CFAP47: variants seen among roughly 807,000 people sequenced by gnomAD.
The protein encoded by CFAP47 is cilia- and flagella-associated protein 47.
A neutral mutation model predicts 148.1 loss-of-function variants in CFAP47; 29 were observed. The observed-to-expected ratio is 0.20, with a 90% confidence interval of 0.15 to 0.27. CFAP47 has a LOEUF of 0.27. CFAP47 is among the 10% of genes least tolerant of loss of function. The probability of loss-of-function intolerance (pLI) is 1.00; values close to 1 mark genes in which losing one functional copy is unlikely to be tolerated. For missense variants in CFAP47, 1,872 were observed against 1,697.5 expected (o/e 1.10, Z -1.81); for synonymous variants, 664 against 577.3 (o/e 1.15, Z -2.15).
At chrX:36,154,951 A>G (rs986322400) in intron 37 of CFAP47, among the ~76,000 whole-genome samples, 1 of 111,147 alleles carries the variant, frequency 9.0e-6, no homozygotes, top group African/African-American at 3.3e-5. Context: ...TCAGGCTGCT[A>G]TAACAATAAA....
rs782236565 is a variant in CFAP47 at position 36,238,355 on chromosome X, C to G, written c.7332+1496C>G. 2.4e-4 allele frequency among the ~76,000 whole-genome samples: 27 copies of G among 112,612 alleles called. No homozygotes were observed. The Middle Eastern group carries it at 0.014, about 58-fold the overall frequency. ...ACCATGATAGTGACGCCTCCCCAGC[C>G]ACATGGAGCTGTGTGTCCATTAAAA... On this transcript the variant is annotated intron_variant, in intron 48 of 63. Transcript: ENST00000378653.
chrX:35,966,435 G>A (rs1045691820), intron 8 of CFAP47, 130 bp from the exon 9 acceptor site: 6 of 308,627 alleles, frequency 1.9e-5, no homozygotes. Context: ...GTATATTTCT[G>A]AAGTACTTTC....
intron 56 of CFAP47, among the ~76,000 whole-genome samples, chrX:36,314,590 T>C (rs942869326): frequency 8.9e-6 from 1 of 111,756 alleles, no homozygotes; most frequent in Non-Finnish European, 1.9e-5. Flanking sequence ...CTTATGGTTC[T>C]CAATGTACAG....
intron 7 of CFAP47, 48 bp from the exon 8 acceptor site, chrX:35,955,913 G>A: frequency 8.4e-7 from 1 of 1,191,627 alleles, no homozygotes; most frequent in Non-Finnish European, 1.1e-6. Context: ...ATATATTCTG[G>A]ATTCCCCAAA....
intron 18 of CFAP47, among the ~76,000 whole-genome samples, chrX:35,995,267 G>C (rs1320817201): frequency 9.0e-6 from 1 of 111,590 alleles, no homozygotes; most frequent in East Asian, 2.8e-4. Context: ...ATGGATGATA[G>C]TGGGAAAAAA....
chrX:36,010,921 G>T (rs1265007751), intron 21 of CFAP47, among the ~76,000 whole-genome samples: 1 of 111,186 alleles, frequency 9.0e-6, no homozygotes. Context: ...CTATGGCTGG[G>T]ATTTCTTCAT....
At chrX:36,133,807 AAAAG>A (rs1938992576) in intron 33 of CFAP47, among the ~76,000 whole-genome samples, 1 of 109,337 alleles carries the variant, frequency 9.1e-6, no homozygotes, top group African/African-American at 3.3e-5. Flanking sequence ...TTAAAAAAAA[AAAAG>A]AAAAGAAAAA....
intron 1 of CFAP47, among the ~76,000 whole-genome samples, chrX:35,923,275 T>C (rs1034968758): frequency 9.0e-6 from 1 of 111,566 alleles, no homozygotes; most frequent in African/African-American, 3.3e-5. Context: ...CCCTCATCTA[T>C]ATACTGAGAG....
At chrX:36,178,813 C>T (rs1052709894) in intron 39 of CFAP47, among the ~76,000 whole-genome samples, 2 of 111,581 alleles carry the variant, frequency 1.8e-5, no homozygotes, top group East Asian at 5.6e-4. Flanking sequence ...GAAACAAATG[C>T]GTCTCTATAA....
intron 9 of CFAP47, 138 bp downstream of exon 9, chrX:35,966,892 G>A: frequency 2.9e-6 from 1 of 339,089 alleles, no homozygotes; most frequent in Non-Finnish European, 5.0e-6. Flanking sequence ...CGACCGAGCT[G>A]CAACTATCAG....
chrX:36,313,854 C>A (rs1941413120), intron 56 of CFAP47, among the ~76,000 whole-genome samples: 2 of 111,178 alleles, frequency 1.8e-5, no homozygotes, highest in Non-Finnish European at 3.8e-5. Context: ...TTGTGCATAG[C>A]TTGATTTAAA....
chrX:36,029,226 T>A (rs1193820753), intron 22 of CFAP47, among the ~76,000 whole-genome samples: 1 of 111,322 alleles, frequency 9.0e-6, no homozygotes, highest in African/African-American at 3.2e-5. Context: ...ATATTAGTTG[T>A]AATGTATCTG....
rs140276774 is a variant in CFAP47, at chrX:36,019,335, C to T, written c.3556+4423C>T. ...GGTAAAGATTCAAGGCCAGGTTCCT[C>T]GGCCTAAAGCAAACACGATTTGCAG... On this transcript the variant is annotated intron_variant, in intron 22 of 63. Coordinates refer to ENST00000378653, the MANE Select transcript of CFAP47 (RefSeq NM_001304548.2). 8.3e-3 allele frequency among the ~76,000 whole-genome samples: 928 copies of T among 111,897 alleles called. 10 individuals carry two copies. Among genetic ancestry groups the T allele is most frequent in the African/African-American group, 0.023 (718 of 30,805 alleles).
chrX:35,935,538 T>A (rs1359602202), intron 2 of CFAP47, among the ~76,000 whole-genome samples: 1 of 108,264 alleles, frequency 9.2e-6, no homozygotes, highest in East Asian at 2.9e-4. Context: ...GTACTGTGAG[T>A]GCTCACCTGA....
At chrX:36,357,355 A>G (rs1180602603) in intron 60 of CFAP47, among the ~76,000 whole-genome samples, 1 of 111,774 alleles carries the variant, frequency 8.9e-6, no homozygotes, top group Non-Finnish European at 1.9e-5. Flanking sequence ...TCTGAGTCAC[A>G]TAAAACTATC....
chrX:35,923,942 TAC>T (rs776762937), intron 1 of CFAP47, among the ~76,000 whole-genome samples: 11 of 68,201 alleles, frequency 1.6e-4, no homozygotes, highest in African/African-American at 1.1e-3. Context: ...TGTATATATG[TAC>T]ATGTGTATAT....
At chrX:36,024,563 T>C (rs954199856) in intron 22 of CFAP47, among the ~76,000 whole-genome samples, 3 of 111,450 alleles carry the variant, frequency 2.7e-5, no homozygotes, top group African/African-American at 9.8e-5. Context: ...CAATTTTATC[T>C]AGGGTTCCAC....
At chrX:36,082,247 T>A (rs761166784) in intron 29 of CFAP47, among the ~76,000 whole-genome samples, 2 of 111,002 alleles carry the variant, frequency 1.8e-5, no homozygotes, top group South Asian at 7.7e-4. Context: ...TGAGATAATA[T>A]CTCGTTGGGA....
chrX:35,939,778 A>C (rs1935975026), intron 2 of CFAP47, among the ~76,000 whole-genome samples: 1 of 98,755 alleles, frequency 1.0e-5, no homozygotes, highest in South Asian at 5.3e-4. Context: ...TCTTTATAGC[A>C]GCATGATTTA....
Sources: allele counts gnomAD v4.1 joint callset (sites outside exome capture counted in the v4.1 genomes callset), GRCh38; gene constraint gnomAD v4.1.1; transcripts MANE v1.5; gene names NCBI Gene and HGNC (gene_info 2026-07-23, HGNC 2026-07-21).